Variants in NCKAP5 observed in about 807,000 individuals in gnomAD.
The protein encoded by NCKAP5 is NCK associated protein 5, also known as nck-associated protein 5.
In NCKAP5, 92 loss-of-function variants were observed where a neutral mutation model predicts 167.0. The observed-to-expected ratio is 0.55, with a 90% confidence interval of 0.47 to 0.66. The LOEUF (loss-of-function observed/expected upper bound fraction) is 0.66, where lower values mean the gene tolerates loss of function less well. Ranked by LOEUF, NCKAP5 falls within the 30% of genes least tolerant of loss-of-function variation. NCKAP5 has a pLI of 0.00. For synonymous variants in NCKAP5, 891 were observed against 877.4 expected, an observed-to-expected ratio of 1.02 and a Z score of -0.27; for missense variants, 2,378 against 2,315.0, an observed-to-expected ratio of 1.03 and a Z score of -0.56.
Position 132,731,978 on chromosome 2 carries a change from C to A in NCKAP5, c.5202G>T (p.Ser1734=), listed in dbSNP as rs769951891. ...CTGGCTGGCATAGGTAGCGTCCTGT[C>A]GAGCGATTTCCCGAGTCTGGGAGTG... The part of the protein sequence containing the change: ...TFPLPDSGNR[S]TGRYLCQPDS... The change falls in exon 17 of 20, where the codon TCG becomes TCT. Residue 1734 remains serine, a synonymous_variant. Transcript: ENST00000409261. 6.2e-7 allele frequency: 1 copy of A among 1,613,772 alleles called. No homozygotes were observed. Among genetic ancestry groups the A allele is most frequent in the African/African-American group, 1.3e-5 (1 of 74,994 alleles).
intron 8 of NCKAP5, among the ~76,000 whole-genome samples, chr2:132,898,444 A>C (rs912750014): frequency 6.6e-6 from 1 of 152,220 alleles, no homozygotes; most frequent in African/African-American, 2.4e-5. Context: ...TTTTCCCATG[A>C]ATCACAAATG....
intron 6 of NCKAP5, among the ~76,000 whole-genome samples, chr2:133,090,443 G>A (rs2081138229): frequency 1.3e-5 from 2 of 151,974 alleles, no homozygotes; most frequent in African/African-American, 4.8e-5. Flanking sequence ...GGCAGTGGGA[G>A]ACCATGGAGG....
intron 4 of NCKAP5, among the ~76,000 whole-genome samples, chr2:133,258,361 C>T (rs1224412306): frequency 6.6e-6 from 1 of 152,200 alleles, no homozygotes; most frequent in African/African-American, 2.4e-5. Flanking sequence ...TACCCAACAT[C>T]ACCTCTGACT....
chr2:133,129,448 G>A (rs1309468755), intron 6 of NCKAP5, among the ~76,000 whole-genome samples: 1 of 152,280 alleles, frequency 6.6e-6, no homozygotes, highest in South Asian at 2.1e-4. Context: ...TGGCTGCATA[G>A]TATTCAATGG....
intron 3 of NCKAP5, among the ~76,000 whole-genome samples, chr2:133,321,408 T>C (rs1347471759): frequency 6.6e-6 from 1 of 152,208 alleles, no homozygotes; most frequent in Non-Finnish European, 1.5e-5. Context: ...AAGTGAAGAC[T>C]GCACCTGAAC....
intron 3 of NCKAP5, among the ~76,000 whole-genome samples, chr2:133,327,989 C>T (rs1682570800): frequency 6.6e-6 from 1 of 152,076 alleles, no homozygotes; most frequent in Non-Finnish European, 1.5e-5. Flanking sequence ...TTATTGAGCC[C>T]CAAGTAGTGC....
chr2:133,651,476 G>A, the NCKAP5 span, among the ~76,000 whole-genome samples: 1 of 152,074 alleles, frequency 6.6e-6, no homozygotes, highest in African/African-American at 2.4e-5. Context: ...TACTTTTCAG[G>A]ATGGCTATTA....
chr2:133,585,021 A>AAAAGAAAGT, the NCKAP5 span, among the ~76,000 whole-genome samples: 6 of 147,190 alleles, frequency 4.1e-5, no homozygotes, highest in African/African-American at 7.5e-5. Context: ...AAAAGAAAAG[A>AAAAGAAAGT]AAAGAAAGTA....
intron 3 of NCKAP5, among the ~76,000 whole-genome samples, chr2:133,377,265 A>G (rs188374207): frequency 6.6e-6 from 1 of 152,332 alleles, no homozygotes; most frequent in African/African-American, 2.4e-5. Flanking sequence ...CCCAAACTGT[A>G]TAACTATTCA....
chr2:133,378,544 T>A (rs1270250482), intron 3 of NCKAP5, among the ~76,000 whole-genome samples: 2 of 152,092 alleles, frequency 1.3e-5, no homozygotes, highest in Admixed American at 1.3e-4. Flanking sequence ...GGTGTGGGAG[T>A]GAAGAGTAAC....
At position 132,865,971 on chromosome 2, in the gene NCKAP5, A is replaced by G. The variant is rs554479123; in HGVS notation, c.687+2965T>C. 2.0e-3 allele frequency among the ~76,000 whole-genome samples: 308 copies of G among 152,324 alleles called. 5 individuals carry two copies. Among genetic ancestry groups the G allele is most frequent in the East Asian group, 1.9e-4 (1 of 5,190 alleles). On this transcript the variant is annotated intron_variant, in intron 10 of 19. Transcript: ENST00000409261. ...ACACAGACCACTGCTAGAGAAGTGG[A>G]CACGGATGGTTCAATTGCCCCTTTA...
chr2:132,721,461 G>A (rs1689922487), intron 19 of NCKAP5, among the ~76,000 whole-genome samples: 1 of 152,098 alleles, frequency 6.6e-6, no homozygotes, highest in Non-Finnish European at 1.5e-5. Flanking sequence ...TAAGAGCCTT[G>A]TTATTTCAAA....
intron 11 of NCKAP5, among the ~76,000 whole-genome samples, chr2:132,827,383 T>G: frequency 6.6e-6 from 1 of 152,174 alleles, no homozygotes; most frequent in East Asian, 1.9e-4. Flanking sequence ...TATTCAAGTC[T>G]TTGCCCACTT....
At chr2:133,353,412 C>T (rs959465551) in intron 3 of NCKAP5, among the ~76,000 whole-genome samples, 5 of 152,122 alleles carry the variant, frequency 3.3e-5, no homozygotes, top group African/African-American at 7.2e-5. Context: ...TGGCCAGAGA[C>T]GGTAACATCA....
intron 3 of NCKAP5, among the ~76,000 whole-genome samples, chr2:133,305,710 T>C (rs865971797): frequency 6.6e-6 from 1 of 152,240 alleles, no homozygotes; most frequent in African/African-American, 2.4e-5. Context: ...TACTAGCTGC[T>C]TCCATTTAAA....
At chr2:133,023,309 C>T (rs150836146) in intron 6 of NCKAP5, among the ~76,000 whole-genome samples, 5 of 152,326 alleles carry the variant, frequency 3.3e-5, no homozygotes, top group East Asian at 1.9e-4. Context: ...CATACTGTCT[C>T]TTAGACCTGT....
At chr2:133,100,772 A>C (rs1278922303) in intron 6 of NCKAP5, among the ~76,000 whole-genome samples, 1 of 152,136 alleles carries the variant, frequency 6.6e-6, no homozygotes, top group Non-Finnish European at 1.5e-5. Context: ...GAAAAAAAAA[A>C]CTTTTGTCTC....
chr2:132,973,967 C>A (rs58596636), intron 7 of NCKAP5, among the ~76,000 whole-genome samples: 46 of 152,212 alleles, frequency 3.0e-4, no homozygotes, highest in African/African-American at 1.1e-3. Flanking sequence ...AAAGACAATT[C>A]ACTCATCTAT....
At chr2:132,967,192 C>T (rs1231176763) in intron 7 of NCKAP5, among the ~76,000 whole-genome samples, 1 of 149,626 alleles carries the variant, frequency 6.7e-6, no homozygotes, top group Non-Finnish European at 1.5e-5. Context: ...CACACACACA[C>T]ACACACACAT....
Sources: allele counts gnomAD v4.1 joint callset (sites outside exome capture counted in the v4.1 genomes callset), GRCh38; gene constraint gnomAD v4.1.1; transcripts MANE v1.5; gene names NCBI Gene and HGNC (gene_info 2026-07-23, HGNC 2026-07-21).